DACH1: variants seen among roughly 807,000 people sequenced by gnomAD.
The protein encoded by DACH1 is dachshund family transcription factor 1, also known as dachshund homolog 1.
Under a neutral mutation model 54.2 loss-of-function variants are expected in DACH1, and 12 were observed. That is an observed-to-expected ratio of 0.22 (90% confidence interval 0.14 to 0.36). The LOEUF (loss-of-function observed/expected upper bound fraction) is 0.36. DACH1 is among the 10% of genes least tolerant of loss of function. DACH1 has a pLI of 1.00. For missense variants in DACH1, 805 were observed against 929.8 expected (o/e 0.87, Z 1.75); for synonymous variants, 386 against 366.2 (o/e 1.05, Z -0.62).
intron 6 of DACH1, among the ~76,000 whole-genome samples, chr13:71,548,602 G>A (rs1368721996): frequency 6.6e-6 from 1 of 152,068 alleles, no homozygotes; most frequent in East Asian, 1.9e-4. Context: ...AACAATGTTG[G>A]ATTGTTAATT....
intron 2 of DACH1, among the ~76,000 whole-genome samples, chr13:71,678,963 A>G (rs994870797): frequency 6.6e-6 from 1 of 152,090 alleles, no homozygotes; most frequent in South Asian, 2.1e-4. Flanking sequence ...CCAGCCTAAC[A>G]TCCCCTTTCT....
chr13:71,829,850 T>C (rs185534839), intron 1 of DACH1, among the ~76,000 whole-genome samples: 1 of 152,072 alleles, frequency 6.6e-6, no homozygotes. Context: ...ATGTACTTTC[T>C]ATTTGAGACC....
At position 71,589,763 on chromosome 13, in the gene DACH1, T is replaced by C. The variant is rs143578960; in HGVS notation, c.1127-16751A>G. On this transcript the variant is annotated intron_variant, in intron 3 of 10. Transcript: ENST00000613252. ...CTTCAACCCCTTGCCTCATTAAGCA[T>C]AAATCATCAAATACTGAAAAAAGAA... Among the ~76,000 whole-genome samples the C allele has an allele frequency of 4.4e-3, 669 of 152,132 alleles. 4 individuals carry two copies. The highest frequency in any genetic ancestry group is 0.016 in the African/African-American group (647 of 41,552).
chr13:71,841,558 T>C (rs1872854238), intron 1 of DACH1, among the ~76,000 whole-genome samples: 1 of 152,142 alleles, frequency 6.6e-6, no homozygotes, highest in Admixed American at 6.6e-5. Flanking sequence ...AAATAAACTG[T>C]GAAATGTAGG....
chr13:71,655,984 T>C (rs1879066444), intron 2 of DACH1, among the ~76,000 whole-genome samples: 1 of 152,216 alleles, frequency 6.6e-6, no homozygotes, highest in Admixed American at 6.5e-5. Context: ...AAGTAATTTT[T>C]AATTGGCCAA....
At chr13:71,578,973 C>T (rs1885702745) in intron 3 of DACH1, among the ~76,000 whole-genome samples, 2 of 151,886 alleles carry the variant, frequency 1.3e-5, no homozygotes, top group South Asian at 4.2e-4. Context: ...TGCCCCATTA[C>T]CTATAAATAT....
chr13:71,559,842 A>G lies in DACH1; in HGVS notation c.1413T>C (p.Thr471=), dbSNP rs764321469. ...TACGGATTCTGTCAGAAGAGCTCTCAGTCCGAGCAGGGGAGCTGGACACGC... is the reference window on the plus strand; with the variant it reads ...TACGGATTCTGTCAGAAGAGCTCTCGGTCCGAGCAGGGGAGCTGGACACGC... ...SSSVSSSPAR[T]ESSSDRIPVH... The change falls in exon 5 of 11, where the codon ACT becomes ACC. Residue 471 remains threonine, a synonymous_variant. Coordinates refer to ENST00000613252, the MANE Select transcript of DACH1 (RefSeq NM_080759.6). 6.2e-7 allele frequency: 1 copy of G among 1,613,852 alleles called. No individual in the cohort carries two copies. Among genetic ancestry groups the G allele is most frequent in the Non-Finnish European group, 8.5e-7 (1 of 1,179,922 alleles).
intron 1 of DACH1, among the ~76,000 whole-genome samples, chr13:71,864,866 C>T (rs1238264528): frequency 6.6e-6 from 1 of 152,078 alleles, no homozygotes; most frequent in Non-Finnish European, 1.5e-5. Flanking sequence ...GAAGCCAAGG[C>T]ACAGAGTATC....
At chr13:71,609,211 A>T (rs1875117026) in intron 3 of DACH1, among the ~76,000 whole-genome samples, 1 of 152,048 alleles carries the variant, frequency 6.6e-6, no homozygotes, top group African/African-American at 2.4e-5. Flanking sequence ...GAGACTAAAA[A>T]ATATACATAG....
At chr13:71,505,033 C>T (rs992544436) in intron 6 of DACH1, among the ~76,000 whole-genome samples, 2 of 152,118 alleles carry the variant, frequency 1.3e-5, no homozygotes, top group Admixed American at 6.6e-5. Flanking sequence ...ACTGAGAAAT[C>T]GCAAATTTAG....
chr13:71,508,372 A>C (rs916282787), intron 6 of DACH1, among the ~76,000 whole-genome samples: 2 of 152,122 alleles, frequency 1.3e-5, no homozygotes, highest in Admixed American at 6.6e-5. Flanking sequence ...ATTTTCTCTT[A>C]GAAAGATAAT....
chr13:71,592,478 T>C (rs1403544773), intron 3 of DACH1, among the ~76,000 whole-genome samples: 3 of 78,298 alleles, frequency 3.8e-5, no homozygotes, highest in African/African-American at 5.5e-5. Context: ...CTGGGAGACA[T>C]AGCAAGACTC....
intron 10 of DACH1, among the ~76,000 whole-genome samples, chr13:71,447,015 A>G (rs1354944701): frequency 6.6e-6 from 1 of 152,180 alleles, no homozygotes; most frequent in Non-Finnish European, 1.5e-5. Context: ...TTAAATTACA[A>G]ATTCCTAATA....
chr13:71,655,812 GC>G (rs1327615031), intron 2 of DACH1, among the ~76,000 whole-genome samples: 1 of 151,862 alleles, frequency 6.6e-6, no homozygotes, highest in East Asian at 1.9e-4. Flanking sequence ...TTTTTCATTT[GC>G]TTTAATTTGT....
At chr13:71,531,630 T>A (rs1256546292) in intron 6 of DACH1, among the ~76,000 whole-genome samples, 1 of 152,022 alleles carries the variant, frequency 6.6e-6, no homozygotes, top group Non-Finnish European at 1.5e-5. Context: ...TATTAAAACA[T>A]GCAAGCAAAG....
chr13:71,775,310 C>T (rs192814031), intron 1 of DACH1, among the ~76,000 whole-genome samples: 1 of 151,516 alleles, frequency 6.6e-6, no homozygotes, highest in Admixed American at 6.6e-5. Context: ...TCAAGAAAAA[C>T]AATTGCCACC....
At chr13:71,632,951 C>A (rs372249467) in intron 2 of DACH1, among the ~76,000 whole-genome samples, 218 of 152,214 alleles carry the variant, frequency 1.4e-3, no homozygotes, top group African/African-American at 4.8e-3. Flanking sequence ...TCTTAAAAGT[C>A]TCTTTGTGTT....
chr13:71,658,478 AG>A (rs2138645240), intron 2 of DACH1, among the ~76,000 whole-genome samples: 1 of 152,224 alleles, frequency 6.6e-6, no homozygotes, highest in South Asian at 2.1e-4. Context: ...TGAACCCGGG[AG>A]GCTGAGGTTG....
At chr13:71,497,624 G>A (rs1201344619) in intron 6 of DACH1, among the ~76,000 whole-genome samples, 2 of 152,010 alleles carry the variant, frequency 1.3e-5, no homozygotes, top group South Asian at 2.1e-4. Flanking sequence ...GAGCCACTGC[G>A]CCCCTGCTCT....
Sources: gnomAD v4.1 joint callset for allele counts (sites outside exome capture counted in the v4.1 genomes callset) on GRCh38, gnomAD v4.1.1 for gene constraint, MANE v1.5 for transcripts, NCBI Gene and HGNC (gene_info 2026-07-23, HGNC 2026-07-21) for gene names.